ULK4: variants seen among roughly 807,000 people sequenced by gnomAD.
The protein encoded by ULK4 is unc-51 like kinase 4, also known as inactive serine/threonine-protein kinase ULK4.
A neutral mutation model predicts 160.6 loss-of-function variants in ULK4; 133 were observed. That is an observed-to-expected ratio of 0.83 (90% CI 0.72 to 0.96). The LOEUF is 0.96. Among genes scored for constraint, ULK4 ranks in the 40% least tolerant of loss-of-function variants. The probability of loss-of-function intolerance (pLI) is 0.00; values close to 1 mark genes in which losing one functional copy is unlikely to be tolerated. For missense variants in ULK4, 1,580 were observed against 1,499.5 expected (o/e 1.05, Z -0.89); for synonymous variants, 534 against 539.8 (o/e 0.99, Z 0.15).
intron 19 of ULK4, among the ~76,000 whole-genome samples, chr3:41,814,824 T>C (rs1268434837): frequency 2.0e-5 from 3 of 152,118 alleles, no homozygotes; most frequent in African/African-American, 4.8e-5. Flanking sequence ...ACATATGACG[T>C]GTATCTTTTT....
chr3:41,476,675 G>A (rs527331993), intron 32 of ULK4, among the ~76,000 whole-genome samples: 1 of 151,862 alleles, frequency 6.6e-6, no homozygotes, highest in Non-Finnish European at 1.5e-5. Flanking sequence ...CTAAGGTGTA[G>A]TAGTTACCTG....
intron 33 of ULK4, among the ~76,000 whole-genome samples, chr3:41,456,118 C>A (rs554967839): frequency 1.7e-4 from 26 of 152,292 alleles, no homozygotes; most frequent in African/African-American, 6.0e-4. Flanking sequence ...CCATGTTGGC[C>A]AGGCAGGTCT....
intron 34 of ULK4, among the ~76,000 whole-genome samples, chr3:41,427,005 T>C (rs1052171913): frequency 6.6e-6 from 1 of 151,766 alleles, no homozygotes; most frequent in Non-Finnish European, 1.5e-5. Flanking sequence ...AATTAATAGA[T>C]ATACCAATAG....
intron 30 of ULK4, among the ~76,000 whole-genome samples, 171 bp downstream of exon 30, chr3:41,663,436 G>A (rs2035250856): frequency 2.0e-5 from 3 of 152,038 alleles, no homozygotes; most frequent in Admixed American, 6.5e-5. Context: ...GAGAACGAGA[G>A]TCAAAACAGC....
rs530788917 is a variant in ULK4, at chr3:41,575,582, G to A, written c.3121-9452C>T. The stretch of plus-strand genomic sequence containing the variant: ...TTTCTGATCAAAGACATGAGAGAAG[G>A]CAACTTAAAATTATTTTTAAATTTG... On this transcript the variant is annotated intron_variant, in intron 31 of 36. Transcript: ENST00000301831. Among the ~76,000 whole-genome samples the A allele has an allele frequency of 2.0e-4, 30 of 152,270 alleles. No homozygotes were observed. In the South Asian group the frequency reaches 6.0e-3, roughly 30 times the overall value.
At chr3:41,891,725 G>A (rs1697974492) in intron 16 of ULK4, among the ~76,000 whole-genome samples, 1 of 152,096 alleles carries the variant, frequency 6.6e-6, no homozygotes, top group Non-Finnish European at 1.5e-5. Flanking sequence ...GGCCAACACG[G>A]TAAAACCTCA....
At chr3:41,917,159 T>C (rs1698997882) in intron 7 of ULK4, among the ~76,000 whole-genome samples, 1 of 152,236 alleles carries the variant, frequency 6.6e-6, no homozygotes, top group African/African-American at 2.4e-5. Context: ...TAATGTTTTG[T>C]CTTTTTAAAT....
intron 22 of ULK4, among the ~76,000 whole-genome samples, chr3:41,725,809 G>A (rs963456347): frequency 1.3e-5 from 2 of 152,042 alleles, no homozygotes; most frequent in Non-Finnish European, 2.9e-5. Flanking sequence ...CTAGGGTTAC[G>A]GTTAAACTTC....
At chr3:41,801,738 C>G (rs946129415) in intron 19 of ULK4, among the ~76,000 whole-genome samples, 2 of 151,838 alleles carry the variant, frequency 1.3e-5, no homozygotes, top group African/African-American at 4.8e-5. Context: ...ATACTCCCAG[C>G]CACCTGGGAG....
chr3:41,511,024 G>A (rs570714969), intron 32 of ULK4, among the ~76,000 whole-genome samples: 24 of 152,092 alleles, frequency 1.6e-4, no homozygotes, highest in African/African-American at 3.9e-4. Flanking sequence ...TTAGCTGGGC[G>A]TGGTGGCATG....
At chr3:41,661,446 C>G (rs756969295) in intron 30 of ULK4, among the ~76,000 whole-genome samples, 1 of 142,714 alleles carries the variant, frequency 7.0e-6, no homozygotes, top group Non-Finnish European at 1.5e-5. Flanking sequence ...TGTGTATACT[C>G]GTATACATAC....
intron 32 of ULK4, among the ~76,000 whole-genome samples, chr3:41,543,769 T>C (rs1370616329): frequency 6.6e-6 from 1 of 152,184 alleles, no homozygotes; most frequent in Admixed American, 6.5e-5. Context: ...ATTTTCAAAT[T>C]AGCTGACTCT....
rs778590803 is a variant in ULK4, at chr3:41,897,004, C to G, written c.1349-1G>C. ...TCTTTCAGAAATAATAACTTATCCA[C>G]TGCGATGGAAAGAAAATAATAAAAG... On this transcript the variant is annotated splice_acceptor_variant, in intron 14 of 36. Coordinates refer to ENST00000301831, the MANE Select transcript of ULK4 (RefSeq NM_017886.4). LOFTEE classifies it high-confidence loss of function. The G allele has an allele frequency of 3.1e-6, 5 of 1,606,300 alleles. No individual in the cohort carries two copies. In the Admixed American group the frequency reaches 8.5e-5, roughly 27 times the overall value.
chr3:41,946,300 C>A (rs1367324716), intron 2 of ULK4, among the ~76,000 whole-genome samples: 1 of 152,002 alleles, frequency 6.6e-6, no homozygotes, highest in Non-Finnish European at 1.5e-5. Context: ...AAAGTACATA[C>A]CATAGGAACC....
Position 41,324,283 on chromosome 3 carries a change from T to A in ULK4, c.3678+73796A>T, listed in dbSNP as rs537525654. ...TACTGTGCAAAGGCCATTAATCAGTTGTCTGCAAATAAGAAAGCTAAACTG... is the reference window on the plus strand; with the variant it reads ...TACTGTGCAAAGGCCATTAATCAGTAGTCTGCAAATAAGAAAGCTAAACTG... On this transcript the variant is annotated intron_variant, in intron 35 of 36. Transcript: ENST00000301831. 9.2e-5 allele frequency among the ~76,000 whole-genome samples: 14 copies of A among 152,340 alleles called. 1 individual carries two copies. In the South Asian group the frequency reaches 1.0e-3, roughly 11 times the overall value.
At chr3:41,382,201 T>G (rs1440841275) in intron 35 of ULK4, among the ~76,000 whole-genome samples, 1 of 152,200 alleles carries the variant, frequency 6.6e-6, no homozygotes, top group African/African-American at 2.4e-5. Context: ...TAAATGTGGC[T>G]ATCATGTCAC....
At chr3:41,619,235 G>A (rs771283124) in intron 30 of ULK4, among the ~76,000 whole-genome samples, 17 of 151,776 alleles carry the variant, frequency 1.1e-4, no homozygotes, top group Non-Finnish European at 1.9e-4. Flanking sequence ...AAATTAACAA[G>A]GATATTCAGG....
rs1003100617 is a variant in ULK4, at chr3:41,466,044, T to C, written c.3227-2791A>G. Among the ~76,000 whole-genome samples the C allele has an allele frequency of 3.9e-5, 6 of 152,122 alleles. No homozygotes were observed. In the East Asian group the frequency reaches 1.2e-3, roughly 29 times the overall value. On this transcript the variant is annotated intron_variant, in intron 32 of 36. Transcript: ENST00000301831. ...ATAATGCATTTTTAAATAATATATATTATGGGTTTCAATTGATTTCAATCA... is the reference window on the plus strand; with the variant it reads ...ATAATGCATTTTTAAATAATATATACTATGGGTTTCAATTGATTTCAATCA...
At chr3:41,486,049 C>G (rs1209354059) in intron 32 of ULK4, among the ~76,000 whole-genome samples, 1 of 152,220 alleles carries the variant, frequency 6.6e-6, no homozygotes, top group Non-Finnish European at 1.5e-5. Flanking sequence ...ACACCTCACT[C>G]TTCTGGGTTT....
Sources: gnomAD v4.1 joint callset for allele counts (sites outside exome capture counted in the v4.1 genomes callset) on GRCh38, gnomAD v4.1.1 for gene constraint, MANE v1.5 for transcripts, NCBI Gene and HGNC (gene_info 2026-07-23, HGNC 2026-07-21) for gene names.